Variants in SNTG1 observed in about 807,000 individuals in gnomAD.
The protein encoded by SNTG1 is gamma-1-syntrophin.
In SNTG1, 39 loss-of-function variants were observed where a neutral mutation model predicts 74.7. The ratio of observed to expected loss-of-function variants is 0.52; its 90% CI spans 0.40 to 0.68. SNTG1 has a LOEUF of 0.68. Among genes scored for constraint, SNTG1 ranks in the 30% least tolerant of loss-of-function variants. The pLI is 0.00. For missense variants in SNTG1, 685 were observed against 609.5 expected (o/e 1.12, Z -1.30); for synonymous variants, 254 against 217.1 (o/e 1.17, Z -1.49).
chr8:50,055,233 T>C (rs1819923674), intron 1 of SNTG1, among the ~76,000 whole-genome samples: 1 of 152,128 alleles, frequency 6.6e-6, no homozygotes, highest in Non-Finnish European at 1.5e-5. Context: ...GGTGAGAGAA[T>C]ACTTGGTATT....
At chr8:50,236,316 C>A (rs1015775661) in intron 2 of SNTG1, among the ~76,000 whole-genome samples, 4 of 152,082 alleles carry the variant, frequency 2.6e-5, no homozygotes, top group African/African-American at 9.7e-5. Context: ...ATATTTATTT[C>A]TAATTAGTGT....
At chr8:50,137,945 G>T (rs2081529357) in intron 1 of SNTG1, among the ~76,000 whole-genome samples, 1 of 152,134 alleles carries the variant, frequency 6.6e-6, no homozygotes. Context: ...CATCTCCTGG[G>T]CTAGTCTCTG....
At chr8:49,944,482 A>T (rs1172782774) in intron 1 of SNTG1, among the ~76,000 whole-genome samples, 3 of 150,076 alleles carry the variant, frequency 2.0e-5, no homozygotes, top group Non-Finnish European at 4.4e-5. Flanking sequence ...CAAGGACAAA[A>T]AAACCAAACA....
intron 10 of SNTG1, among the ~76,000 whole-genome samples, chr8:50,533,625 T>C (rs1004838426): frequency 6.6e-6 from 1 of 152,098 alleles, no homozygotes; most frequent in Non-Finnish European, 1.5e-5. Flanking sequence ...ATAAATAAAA[T>C]AAGTAAGGAG....
intron 13 of SNTG1, among the ~76,000 whole-genome samples, chr8:50,617,198 T>G (rs542865268): frequency 1.1e-4 from 17 of 152,310 alleles, no homozygotes; most frequent in African/African-American, 3.6e-4. Flanking sequence ...ATTGTTTACT[T>G]GACCTGCAAG....
At chr8:50,153,573 G>C (rs191216935) in intron 1 of SNTG1, among the ~76,000 whole-genome samples, 21 of 151,786 alleles carry the variant, frequency 1.4e-4, no homozygotes, top group African/African-American at 5.1e-4. Flanking sequence ...TGTACAGATG[G>C]GGGTTTTGGT....
At chr8:49,923,059 G>A (rs930971340) in intron 1 of SNTG1, among the ~76,000 whole-genome samples, 2 of 151,928 alleles carry the variant, frequency 1.3e-5, no homozygotes, top group African/African-American at 4.8e-5. Context: ...CTTTTTCTTA[G>A]GTCTCATGAA....
At chr8:50,422,504 TAAAG>T (rs2093104563) in intron 4 of SNTG1, among the ~76,000 whole-genome samples, 2 of 152,054 alleles carry the variant, frequency 1.3e-5, no homozygotes, top group Admixed American at 6.6e-5. Context: ...TTGCAGTAAA[TAAAG>T]AAAGAGTTTA....
chr8:50,446,813 A>T (rs2093412238), intron 5 of SNTG1, among the ~76,000 whole-genome samples: 1 of 152,246 alleles, frequency 6.6e-6, no homozygotes, highest in African/African-American at 2.4e-5. Context: ...GATGGTTACA[A>T]TAGTCTCCAC....
At chr8:50,189,167 G>A (rs935614820) in intron 2 of SNTG1, among the ~76,000 whole-genome samples, 4 of 152,148 alleles carry the variant, frequency 2.6e-5, no homozygotes, top group South Asian at 2.1e-4. Context: ...CCACTGGGCC[G>A]TGGAAACTTT....
intron 2 of SNTG1, among the ~76,000 whole-genome samples, chr8:50,320,519 T>C (rs2090485820): frequency 6.8e-6 from 1 of 146,208 alleles, no homozygotes; most frequent in Non-Finnish European, 1.5e-5. Flanking sequence ...ATTTAATTCT[T>C]CTCTGATCTT....
At chr8:50,263,273 T>C (rs540670464) in intron 2 of SNTG1, among the ~76,000 whole-genome samples, 96 of 152,136 alleles carry the variant, frequency 6.3e-4, no homozygotes, top group African/African-American at 1.6e-3. Context: ...ATAAAGTCTT[T>C]AAAGAAGATA....
chr8:50,564,843 T>C (rs1281090459), intron 12 of SNTG1, among the ~76,000 whole-genome samples: 1 of 152,096 alleles, frequency 6.6e-6, no homozygotes, highest in African/African-American at 2.4e-5. Context: ...AATAAAAATA[T>C]GCTATTATTA....
In SNTG1 at chr8:50,502,855, A is replaced by G; in HGVS notation, c.441A>G (p.Lys147=). ...SFLKRAPAFL[K]LPLNEDCACA... ...TAAAAAGAGCACCTGCTTTCCTCAA[A>G]CTCCCATTGAATGAAGATTGTGCAT... The change falls in exon 9 of 19, where the codon AAA becomes AAG. Residue 147 remains lysine (K), a synonymous_variant. Transcript: ENST00000642720. 6.2e-7 allele frequency: 1 copy of G among 1,613,112 alleles called. No individual in the cohort carries two copies. The highest frequency in any genetic ancestry group is 1.1e-5 in the South Asian group (1 of 91,002).
chr8:50,508,426 G>C (rs2094030193), intron 9 of SNTG1, among the ~76,000 whole-genome samples: 2 of 152,092 alleles, frequency 1.3e-5, no homozygotes, highest in Admixed American at 1.3e-4. Flanking sequence ...AATCCTTTGG[G>C]TATATACCCA....
chr8:50,068,630 G>T (rs986652171), intron 1 of SNTG1, among the ~76,000 whole-genome samples: 1 of 152,094 alleles, frequency 6.6e-6, no homozygotes, highest in Non-Finnish European at 1.5e-5. Flanking sequence ...GATTTATCTC[G>T]CTTATTTTCT....
rs1291553955 is a variant in SNTG1 at position 50,795,591 on chromosome 8, G to C, written c.*2762G>C. ...TGTGTGTCTGTGTATGTGTGTGAGT[G>C]TGTAAGTGTTATCATTAAAGGGTTC... On this transcript the variant is annotated 3_prime_UTR_variant, in exon 19 of 19. Transcript: ENST00000642720. 1 of 152,012 alleles carries C rather than the reference G, an allele frequency of 6.6e-6. No homozygotes were observed. The highest frequency in any genetic ancestry group is 1.5e-5 in the Non-Finnish European group (1 of 67,970). 9.4% of individuals were successfully genotyped at this position (152,012 alleles called of 1,614,324 possible).
intron 1 of SNTG1, among the ~76,000 whole-genome samples, chr8:49,992,259 T>G (rs937007429): frequency 1.3e-5 from 2 of 152,152 alleles, no homozygotes; most frequent in Non-Finnish European, 2.9e-5. Flanking sequence ...CGTTGTATAA[T>G]AGGTCAAGGT....
intron 13 of SNTG1, among the ~76,000 whole-genome samples, chr8:50,610,566 A>C (rs1340664658): frequency 6.6e-6 from 1 of 152,086 alleles, no homozygotes; most frequent in Non-Finnish European, 1.5e-5. Context: ...ACTGTACCAA[A>C]CTGTGAATTG....
Sources: gnomAD v4.1 joint callset for allele counts (sites outside exome capture counted in the v4.1 genomes callset) on GRCh38, gnomAD v4.1.1 for gene constraint, MANE v1.5 for transcripts, NCBI Gene and HGNC (gene_info 2026-07-23, HGNC 2026-07-21) for gene names.